MYO5C: variants seen among roughly 807,000 people sequenced by gnomAD.
MYO5C encodes myosin VC.
Under a neutral mutation model 235.7 loss-of-function variants are expected in MYO5C, and 194 were observed. The observed-to-expected ratio is 0.82, with a 90% confidence interval of 0.73 to 0.93. MYO5C has a LOEUF of 0.93. Among genes scored for constraint, MYO5C ranks in the 40% least tolerant of loss-of-function variants. The pLI, the probability that MYO5C is intolerant of heterozygous loss-of-function variation, is 0.00. For missense variants in MYO5C, 2,038 were observed against 2,127.2 expected (o/e 0.96, Z 0.82); for synonymous variants, 707 against 754.8 (o/e 0.94, Z 1.04).
intron 34 of MYO5C, 70 bp downstream of exon 34, chr15:52,213,118 G>T: frequency 8.6e-7 from 1 of 1,169,496 alleles, no homozygotes; most frequent in Non-Finnish European, 1.3e-6. Flanking sequence ...CCCTGCCCAG[G>T]ACTTTGGCAC....
In MYO5C at chr15:52,233,299, T is replaced by TA. The variant is rs1170674630; in HGVS notation, c.2963-615dup. Among the ~76,000 whole-genome samples, 31 of 142,284 alleles carry TA rather than the reference T, an allele frequency of 2.2e-4. 8 individuals are homozygous for TA. The highest frequency in any genetic ancestry group is 8.1e-4 in the African/African-American group (29 of 35,626). 93.3% of individuals were successfully genotyped at this position (142,284 alleles called of 152,430 possible). On this transcript the variant is annotated intron_variant, in intron 23 of 40. Transcript: ENST00000261839. ...GTCTCAAAAAAAAAAAAAAAAAAAT[T>TA]AAAAAAAAAAAAAAATAAATAAATA...
intron 21 of MYO5C, 74 bp downstream of exon 21, chr15:52,239,659 T>G: frequency 6.7e-7 from 1 of 1,485,258 alleles, no homozygotes; most frequent in Non-Finnish European, 9.1e-7. Context: ...ATAGCACAGC[T>G]AAGGAACTGC....
chr15:52,279,073 G>GTTTTT, intron 3 of MYO5C, 56 bp from the exon 4 acceptor site: 1 of 1,406,182 alleles, frequency 7.1e-7, no homozygotes, highest in Non-Finnish European at 9.6e-7. Context: ...TGCATCTCCA[G>GTTTTT]TTTTTTTTTT....
In MYO5C at chr15:52,295,694, G is replaced by C; in HGVS notation, c.-58C>G. 1.6e-6 allele frequency: 2 copies of C among 1,239,934 alleles called. No homozygotes were observed. Among genetic ancestry groups the C allele is most frequent in the African/African-American group, 3.2e-5 (2 of 63,146 alleles). 76.8% of individuals were successfully genotyped at this position (1,239,934 alleles called of 1,614,324 possible). A position where few individuals can be genotyped will look rare whatever the true frequency, so the allele number is the denominator to read the frequency against. On this transcript the variant is annotated 5_prime_UTR_variant, in exon 1 of 41. Transcript: ENST00000261839. ...CCGAACGTGCGAGGCTCGGGGGCTG[G>C]GCCTGCGCCGCAGAGGCCGGGCGCA... is the stretch of plus-strand genomic sequence containing the variant.
chr15:52,242,268 T>A, intron 19 of MYO5C, 55 bp from the exon 20 acceptor site: 1 of 1,541,560 alleles, frequency 6.5e-7, no homozygotes, highest in Non-Finnish European at 8.8e-7. Flanking sequence ...TCAACTTCCA[T>A]AACAGAGCTG....
chr15:52,275,293 TC>T lies in MYO5C; in HGVS notation c.606+268del, dbSNP rs2037016642. ...TTCAGTGTACCAGTGATGTTTGGTT[TC>T]CCCTGGGATGTAAATGTAAACAGAG... On this transcript the variant is annotated intron_variant, in intron 5 of 40. Transcript: ENST00000261839. Among the ~76,000 whole-genome samples, 5 of 152,360 alleles carry T rather than the reference TC, an allele frequency of 3.3e-5. No homozygotes were observed. In the South Asian group the frequency reaches 1.0e-3, roughly 32 times the overall value.
At chr15:52,263,597 C>A (rs559942351) in intron 9 of MYO5C, among the ~76,000 whole-genome samples, 1 of 152,202 alleles carries the variant, frequency 6.6e-6, no homozygotes, top group South Asian at 2.1e-4. Flanking sequence ...GATACATGGA[C>A]CTTCGTGCTG....
At chr15:52,238,506 T>G (rs2036138967) in intron 21 of MYO5C, among the ~76,000 whole-genome samples, 1 of 152,222 alleles carries the variant, frequency 6.6e-6, no homozygotes, top group South Asian at 2.1e-4. Context: ...AGGCTAAGTT[T>G]AAAGCTCACC....
intron 11 of MYO5C, among the ~76,000 whole-genome samples, chr15:52,256,067 G>A (rs192475511): frequency 1.6e-4 from 24 of 152,352 alleles, no homozygotes; most frequent in Admixed American, 5.2e-4. Context: ...TGGGCTGAGA[G>A]AGACAAAGAA....
At chr15:52,266,947 G>T (rs2036826389) in intron 8 of MYO5C, among the ~76,000 whole-genome samples, 1 of 152,122 alleles carries the variant, frequency 6.6e-6, no homozygotes, top group Admixed American at 6.6e-5. Context: ...GCCTTGAGAG[G>T]ACACGGTACT....
rs2035746652 is a variant in MYO5C at position 52,223,470 on chromosome 15, C to CT, written c.3627+73dup. 1.5e-5 allele frequency: 21 copies of CT among 1,403,286 alleles called. No homozygotes were observed. The South Asian group carries it at 2.9e-4, about 19-fold the overall frequency. The allele number at this position is 1,403,286 out of a possible 1,614,324, so 86.9% of individuals were successfully genotyped here. On this transcript the variant is annotated intron_variant, in intron 29 of 40. Coordinates refer to ENST00000261839, the MANE Select transcript of MYO5C (RefSeq NM_018728.4). ...TATCCACTCTTTTACTGCCAAGAAA[C>CT]TGAATTTGACGCCACTGACAAAGAA...
chr15:52,291,272 T>C (rs1419032443), intron 1 of MYO5C, among the ~76,000 whole-genome samples: 4 of 152,202 alleles, frequency 2.6e-5, no homozygotes, highest in African/African-American at 9.6e-5. Context: ...GTGGCCTGGA[T>C]GCTGAGGGTC....
chr15:52,223,400 T>G (rs2035745645), intron 29 of MYO5C, 144 bp downstream of exon 29: 1 of 742,312 alleles, frequency 1.3e-6, no homozygotes, highest in Non-Finnish European at 2.2e-6. Flanking sequence ...ATTTTATAGT[T>G]TAATCACCAG....
rs867163741 is a variant in MYO5C at position 52,276,684 on chromosome 15, C to T, written c.450-966G>A. ...GGCCTTATGTCAACTCCTTTCTGCA[C>T]ATCCCACTTAAATATAAAAACATTT... On this transcript the variant is annotated intron_variant, in intron 4 of 40. Coordinates refer to ENST00000261839, the MANE Select transcript of MYO5C (RefSeq NM_018728.4). Among the ~76,000 whole-genome samples the T allele has an allele frequency of 2.1e-4, 32 of 152,194 alleles. 1 individual carries two copies. Among genetic ancestry groups the T allele is most frequent in the African/African-American group, 7.5e-4 (31 of 41,448 alleles).
intron 9 of MYO5C, among the ~76,000 whole-genome samples, chr15:52,263,625 C>A (rs552539746): frequency 6.6e-6 from 1 of 152,290 alleles, no homozygotes; most frequent in South Asian, 2.1e-4. Context: ...AATGACATCT[C>A]CTGCCTGCGG....
chr15:52,232,557 T>C, intron 24 of MYO5C, 65 bp downstream of exon 24: 1 of 1,493,544 alleles, frequency 6.7e-7, no homozygotes, highest in African/African-American at 1.4e-5. Flanking sequence ...CAAACTGAGA[T>C]GGAAAATATA....
Position 52,245,530 on chromosome 15 carries a change from G to A in MYO5C, c.2067-65C>T, listed in dbSNP as rs568869126. 1.8e-4 allele frequency: 204 copies of A among 1,115,854 alleles called. No homozygotes were observed. The South Asian group carries it at 2.4e-3, about 13-fold the overall frequency. 69.1% of individuals were successfully genotyped at this position (1,115,854 alleles called of 1,614,324 possible). On this transcript the variant is annotated intron_variant, in intron 17 of 40. Coordinates refer to ENST00000261839, the MANE Select transcript of MYO5C (RefSeq NM_018728.4). ...GAAGCACATTGTGTCTGGGGACTCC[G>A]CTGCCTTACCTGCCACTGTTGTCAT...
intron 21 of MYO5C, among the ~76,000 whole-genome samples, chr15:52,239,003 G>A (rs1401987791): frequency 6.6e-6 from 1 of 151,544 alleles, no homozygotes; most frequent in African/African-American, 2.4e-5. Context: ...CCAGGCTGGA[G>A]TGCAGTGGCG....
At chr15:52,259,919 G>A (rs2036656623) in intron 10 of MYO5C, among the ~76,000 whole-genome samples, 1 of 152,238 alleles carries the variant, frequency 6.6e-6, no homozygotes, top group Admixed American at 6.5e-5. Flanking sequence ...TGGGGAATGG[G>A]GTTGAGCTGC....
Sources: gnomAD v4.1 joint callset for allele counts (sites outside exome capture counted in the v4.1 genomes callset) on GRCh38, gnomAD v4.1.1 for gene constraint, MANE v1.5 for transcripts, NCBI Gene and HGNC (gene_info 2026-07-23, HGNC 2026-07-21) for gene names.